The following SYN3 variants were observed in gnomAD, a reference collection of about 807,000 sequenced individuals.
SYN3 encodes synapsin III, also known as synapsin-3.
Under a neutral mutation model 65.8 loss-of-function variants are expected in SYN3, and 35 were observed. That is an observed-to-expected ratio of 0.53 (90% CI 0.41 to 0.70). SYN3 has a LOEUF of 0.70. Among genes scored for constraint, SYN3 ranks in the 30% least tolerant of loss-of-function variants. The pLI, the probability that SYN3 is intolerant of heterozygous loss-of-function variation, is 0.00. For missense variants in SYN3, 680 were observed against 749.0 expected, an observed-to-expected ratio of 0.91 and a Z score of 1.08; for synonymous variants, 270 against 292.9, an observed-to-expected ratio of 0.92 and a Z score of 0.80.
At chr22:32,997,180 T>G (rs1226305762) in intron 2 of SYN3, among the ~76,000 whole-genome samples, 4 of 152,200 alleles carry the variant, frequency 2.6e-5, no homozygotes, top group African/African-American at 9.6e-5. Context: ...AGAGCCTCAG[T>G]CTTCCCTATG....
chr22:32,746,561 T>C (rs926494299), intron 6 of SYN3, among the ~76,000 whole-genome samples: 1 of 152,170 alleles, frequency 6.6e-6, no homozygotes, highest in African/African-American at 2.4e-5. Context: ...TGGATGTGAC[T>C]GGGTGAGGGT....
intron 6 of SYN3, chr22:32,635,124 A>C (rs570810790): frequency 7.1e-4 from 108 of 152,216 alleles, no homozygotes; most frequent in African/African-American, 2.6e-3. Flanking sequence ...CCATCCAAAT[A>C]CTAACCAGGC....
chr22:33,051,164 G>A (rs2054158951), intron 1 of SYN3, among the ~76,000 whole-genome samples: 1 of 152,062 alleles, frequency 6.6e-6, no homozygotes, highest in African/African-American at 2.4e-5. Flanking sequence ...CAGCAAGCCT[G>A]GCCTAGAACA....
At chr22:32,913,960 A>G (rs751842666) in intron 4 of SYN3, among the ~76,000 whole-genome samples, 5 of 152,240 alleles carry the variant, frequency 3.3e-5, no homozygotes, top group African/African-American at 7.2e-5. Flanking sequence ...CAATAATCGT[A>G]GCTAAGATTT....
At chr22:32,989,068 A>G (rs2052618469) in intron 2 of SYN3, among the ~76,000 whole-genome samples, 1 of 152,152 alleles carries the variant, frequency 6.6e-6, no homozygotes, top group Admixed American at 6.5e-5. Context: ...TGTGCTAGCA[A>G]ATGAGCTGCT....
At chr22:32,616,769 A>G (rs1601767997) in intron 6 of SYN3, among the ~76,000 whole-genome samples, 2 of 152,192 alleles carry the variant, frequency 1.3e-5, no homozygotes, top group African/African-American at 2.4e-5. Context: ...AAAAAATGCT[A>G]TAGAAGCAAA....
intron 6 of SYN3, among the ~76,000 whole-genome samples, chr22:32,756,773 A>G (rs954837868): frequency 3.3e-5 from 5 of 152,232 alleles, no homozygotes; most frequent in Admixed American, 2.0e-4. Context: ...CCCTCACCAG[A>G]AACTGAGCAG....
At chr22:32,844,712 CT>C (rs1376474600) in intron 6 of SYN3, among the ~76,000 whole-genome samples, 284 of 143,508 alleles carry the variant, frequency 2.0e-3, no homozygotes, top group Middle Eastern at 3.6e-3. Flanking sequence ...CTTCTTCTTC[CT>C]TTTTTTTTTT....
chr22:32,663,465 A>AT (rs1480235844), intron 6 of SYN3, among the ~76,000 whole-genome samples: 1 of 151,772 alleles, frequency 6.6e-6, no homozygotes, highest in African/African-American at 2.4e-5. Context: ...CGCCCGGCTA[A>AT]TTTTTTGTAT....
intron 6 of SYN3, among the ~76,000 whole-genome samples, chr22:32,643,554 GGGC>G (rs1307203352): frequency 0.051 from 5,820 of 114,494 alleles, 1,092 homozygotes; most frequent in East Asian, 0.092. Flanking sequence ...AATGGTGGGG[GGGC>G]GGGGGGGGCA....
intron 13 of SYN3, among the ~76,000 whole-genome samples, chr22:32,517,173 C>T (rs1353415489): frequency 6.6e-6 from 1 of 152,212 alleles, no homozygotes; most frequent in East Asian, 1.9e-4. Flanking sequence ...TTATTTCCTA[C>T]CTCTTGAATG....
At chr22:32,795,320 C>A (rs2046405583) in intron 6 of SYN3, among the ~76,000 whole-genome samples, 1 of 152,122 alleles carries the variant, frequency 6.6e-6, no homozygotes, top group African/African-American at 2.4e-5. Flanking sequence ...TCCACAGGGG[C>A]CTGATCCAAG....
At chr22:32,985,393 T>C (rs146077472) in intron 2 of SYN3, among the ~76,000 whole-genome samples, 2 of 152,272 alleles carry the variant, frequency 1.3e-5, no homozygotes, top group Admixed American at 6.5e-5. Context: ...CACCTTGCTT[T>C]GATCTGTCTC....
chr22:32,923,171 T>C (rs946026672), intron 4 of SYN3, among the ~76,000 whole-genome samples: 2 of 152,106 alleles, frequency 1.3e-5, no homozygotes, highest in Non-Finnish European at 2.9e-5. Context: ...TCTTGAGAAT[T>C]GGGTGGCTGC....
chr22:32,895,639 CAT>C (rs2049571650), intron 4 of SYN3, among the ~76,000 whole-genome samples: 2 of 152,216 alleles, frequency 1.3e-5, no homozygotes, highest in South Asian at 4.1e-4. Flanking sequence ...TATGCCTCTA[CAT>C]GTCAGGTTTT....
rs549679878 is a variant in SYN3, at chr22:32,946,054, G to C, written c.370-14573C>G. Among the ~76,000 whole-genome samples, 8 of 144,528 alleles carry C rather than the reference G, an allele frequency of 5.5e-5. No individual in the cohort carries two copies. In the East Asian group the frequency reaches 1.5e-3, roughly 28 times the overall value. The allele number at this position is 144,528 out of a possible 152,430, so 94.8% of individuals were successfully genotyped here. ...AAGTCAGGAAACAACAGGTGCTGGA[G>C]AGGATGTGGAGAAATAGGAACACTT... is the stretch of plus-strand genomic sequence containing the variant. On this transcript the variant is annotated intron_variant, in intron 3 of 13. Transcript: ENST00000358763.
At chr22:32,539,176 G>A (rs1601593827) in intron 8 of SYN3, among the ~76,000 whole-genome samples, 1 of 152,148 alleles carries the variant, frequency 6.6e-6, no homozygotes, top group East Asian at 1.9e-4. Flanking sequence ...CATTGTAAGA[G>A]AAAATTGAAG....
chr22:32,628,510 G>C (rs1453820636), intron 6 of SYN3, among the ~76,000 whole-genome samples: 1 of 152,088 alleles, frequency 6.6e-6, no homozygotes, highest in Non-Finnish European at 1.5e-5. Context: ...AAGAGGCTGG[G>C]CCAGAGAGAT....
At chr22:33,049,548 G>A (rs73881949) in intron 1 of SYN3, among the ~76,000 whole-genome samples, 7 of 152,174 alleles carry the variant, frequency 4.6e-5, no homozygotes, top group South Asian at 2.1e-4. Context: ...TAATAACCAC[G>A]GGATGGTTTT....
Sources: allele counts gnomAD v4.1 joint callset (sites outside exome capture counted in the v4.1 genomes callset), GRCh38; gene constraint gnomAD v4.1.1; transcripts MANE v1.5; gene names NCBI Gene and HGNC (gene_info 2026-07-23, HGNC 2026-07-21).